The following PALD1 variants were observed in gnomAD, a reference collection of about 807,000 sequenced individuals.
The protein encoded by PALD1 is paladin.
Under a neutral mutation model 96.0 loss-of-function variants are expected in PALD1, and 57 were observed. The ratio of observed to expected loss-of-function variants is 0.59; its 90% CI spans 0.48 to 0.74. PALD1 has a LOEUF of 0.74. Ranked by LOEUF, PALD1 falls within the 30% of genes least tolerant of loss-of-function variation. The pLI, the probability that PALD1 is intolerant of heterozygous loss-of-function variation, is 0.00. For synonymous variants in PALD1, 464 were observed against 473.6 expected (o/e 0.98, Z 0.26); for missense variants, 1,063 against 1,143.7 (o/e 0.93, Z 1.02).
intron 18 of PALD1, among the ~76,000 whole-genome samples, chr10:70,548,065 G>A (rs987051373): frequency 1.9e-4 from 29 of 152,170 alleles, no homozygotes; most frequent in African/African-American, 6.5e-4. Context: ...TAGCACTTTA[G>A]GAGGCCGAGA....
At chr10:70,463,124 G>A in the PALD1 span, among the ~76,000 whole-genome samples, 10 of 152,190 alleles carry the variant, frequency 6.6e-5, no homozygotes, top group Non-Finnish European at 1.2e-4. Context: ...CAAAAAATGC[G>A]CCGGTCATGG....
At chr10:70,565,785 G>C (rs1404004131) in intron 19 of PALD1, among the ~76,000 whole-genome samples, 1 of 152,160 alleles carries the variant, frequency 6.6e-6, no homozygotes, top group Admixed American at 6.5e-5. Flanking sequence ...CCTGGGGAGG[G>C]GTGGAGGTGG....
chr10:70,504,018 C>T (rs1254462395), intron 1 of PALD1, among the ~76,000 whole-genome samples: 2 of 152,336 alleles, frequency 1.3e-5, no homozygotes, highest in African/African-American at 2.4e-5. Context: ...ACCTGCGCAC[C>T]CTTGGGGCAA....
intron 1 of PALD1, among the ~76,000 whole-genome samples, chr10:70,506,047 CT>C (rs1846382823): frequency 6.6e-6 from 1 of 152,098 alleles, no homozygotes; most frequent in Non-Finnish European, 1.5e-5. Context: ...ATTCTTTGGA[CT>C]AGAGGCTGGG....
chr10:70,525,979 C>T lies in PALD1; in HGVS notation c.28C>T (p.Gln10Ter). The T allele has an allele frequency of 6.2e-7, 1 of 1,614,212 alleles. No individual in the cohort carries two copies. The highest frequency in any genetic ancestry group is 8.5e-7 in the Non-Finnish European group (1 of 1,180,050). Residue 10 changes from glutamine to a stop codon, truncating the protein, a stop_gained, in exon 2 of 20, where the codon CAG becomes TAG. Transcript: ENST00000263563. LOFTEE classifies it high-confidence loss of function. The stretch of plus-strand genomic sequence containing the variant: ...GGGTACAACGGCCAGCACAGCCCAG[C>T]AGACGGTCTCGGCAGGCACCCCATT... MGTTASTAQ[Q>*]TVSAGTPFEG...
rs58411912 is a variant in PALD1, at chr10:70,545,069, G to C, written c.2122-2237G>C. ...CGGGCAGGTGCCAGGCACCACTCCA[G>C]GTGCCGGCAGAAAGCCCCTCACTTA... On this transcript the variant is annotated intron_variant, in intron 17 of 19. Transcript: ENST00000263563. 5.9e-5 allele frequency among the ~76,000 whole-genome samples: 9 copies of C among 151,686 alleles called. No homozygotes were observed. In the East Asian group the frequency reaches 1.6e-3, roughly 26 times the overall value.
At chr10:70,501,747 A>G (rs1026906494) in intron 1 of PALD1, among the ~76,000 whole-genome samples, 4 of 150,616 alleles carry the variant, frequency 2.7e-5, no homozygotes, top group African/African-American at 9.8e-5. Context: ...CTGAGATCCC[A>G]TTTTTCAGAG....
intron 1 of PALD1, among the ~76,000 whole-genome samples, chr10:70,499,468 G>T (rs1220889595): frequency 3.3e-5 from 5 of 152,254 alleles, no homozygotes; most frequent in Admixed American, 1.3e-4. Flanking sequence ...GCAGTGTGAG[G>T]CTGGCAGGGG....
chr10:70,532,719 G>A lies in PALD1; in HGVS notation c.732G>A (p.Glu244=). The change falls in exon 6 of 20, where the codon GAG becomes GAA. Residue 244 remains glutamate, a synonymous_variant. Coordinates refer to ENST00000263563, the MANE Select transcript of PALD1 (RefSeq NM_014431.3). ...CCCATGCTGTGGCCATCCATGGTGA[G>A]GACGACTTGCATGTGACGGAGGAGG... The part of the protein sequence containing the change: ...GEPHAVAIHG[E]DDLHVTEEVY... 1 of 1,614,214 alleles carries A rather than the reference G, an allele frequency of 6.2e-7. No individual in the cohort carries two copies. Among genetic ancestry groups the A allele is most frequent in the Non-Finnish European group, 8.5e-7 (1 of 1,180,028 alleles).
At position 70,487,549 on chromosome 10, in the gene PALD1, C is replaced by T. The variant is rs1846033189; in HGVS notation, c.-30+8490C>T. ...AAATAAAATAAACCATTTTAAAGCC[C>T]ACAATTTAGAGGCATTTAGTATAGT... is the stretch of plus-strand genomic sequence containing the variant. On this transcript the variant is annotated intron_variant, in intron 1 of 19. Coordinates refer to ENST00000263563, the MANE Select transcript of PALD1 (RefSeq NM_014431.3). Among the ~76,000 whole-genome samples the T allele has an allele frequency of 2.0e-5, 3 of 151,818 alleles. No homozygotes were observed. In the South Asian group the frequency reaches 6.2e-4, roughly 32 times the overall value.
At chr10:70,501,590 G>T (rs971706383) in intron 1 of PALD1, among the ~76,000 whole-genome samples, 1 of 152,214 alleles carries the variant, frequency 6.6e-6, no homozygotes, top group Non-Finnish European at 1.5e-5. Context: ...GGTCCCTTGG[G>T]CTGTGAAGCT....
At chr10:70,532,329 G>A (rs535075974) in intron 5 of PALD1, among the ~76,000 whole-genome samples, 14 of 152,226 alleles carry the variant, frequency 9.2e-5, no homozygotes, top group African/African-American at 3.1e-4. Context: ...TGCTCCCCTC[G>A]GCTCCAGCTC....
At chr10:70,542,182 A>G (rs913617310) in intron 17 of PALD1, among the ~76,000 whole-genome samples, 26 of 152,130 alleles carry the variant, frequency 1.7e-4, no homozygotes, top group African/African-American at 5.8e-4. Context: ...AGCACCTCAC[A>G]CTTGCTAAGC....
chr10:70,563,743 G>A (rs889397371), intron 18 of PALD1, among the ~76,000 whole-genome samples: 2 of 152,190 alleles, frequency 1.3e-5, no homozygotes, highest in African/African-American at 4.8e-5. Flanking sequence ...CAAGGCTGGA[G>A]GATGAACTCA....
upstream of PALD1, among the ~76,000 whole-genome samples, chr10:70,475,930 A>G (rs568756011): frequency 9.8e-5 from 15 of 152,358 alleles, no homozygotes; most frequent in African/African-American, 3.6e-4. Flanking sequence ...GTACACACAC[A>G]TACACACATG....
chr10:70,483,700 G>A (rs1274299603), intron 1 of PALD1, among the ~76,000 whole-genome samples: 1 of 152,240 alleles, frequency 6.6e-6, no homozygotes, highest in Non-Finnish European at 1.5e-5. Context: ...GGCCTGGGAC[G>A]CTGGGACATT....
rs61307157 is a variant in PALD1, at chr10:70,508,843, C to CTGTGTGTGTGTGTG, written c.-29-17079_-29-17066dup. 1.1e-3 allele frequency among the ~76,000 whole-genome samples: 104 copies of CTGTGTGTGTGTGTG among 94,588 alleles called. 5 individuals are homozygous for CTGTGTGTGTGTGTG. Among genetic ancestry groups the CTGTGTGTGTGTGTG allele is most frequent in the African/African-American group, 3.1e-3 (71 of 22,940 alleles). 62.1% of individuals were successfully genotyped at this position (94,588 alleles called of 152,430 possible). On this transcript the variant is annotated intron_variant, in intron 1 of 19. Transcript: ENST00000263563. ...TGCAGGCCTGTGGGAGCTGCGGAAC[C>CTGTGTGTGTGTGTG]TGTGTGTGTGTGTGCAGGCCTGTGG...
chr10:70,495,876 G>A (rs1846185953), intron 1 of PALD1, among the ~76,000 whole-genome samples: 1 of 151,676 alleles, frequency 6.6e-6, no homozygotes, highest in African/African-American at 2.4e-5. Context: ...AGCTGCGGTA[G>A]TGTGTGCCTG....
chr10:70,497,410 A>G (rs1051991492), intron 1 of PALD1, among the ~76,000 whole-genome samples: 1 of 152,118 alleles, frequency 6.6e-6, no homozygotes, highest in Non-Finnish European at 1.5e-5. Flanking sequence ...GACCCGAGGT[A>G]GCGTTTGGGT....
Sources: gnomAD v4.1 joint callset for allele counts (sites outside exome capture counted in the v4.1 genomes callset) on GRCh38, gnomAD v4.1.1 for gene constraint, MANE v1.5 for transcripts, NCBI Gene and HGNC (gene_info 2026-07-23, HGNC 2026-07-21) for gene names.